PNPLA7: variants seen among roughly 807,000 people sequenced by gnomAD.
PNPLA7 encodes patatin like domain 7, lysophospholipase, also known as patatin-like phospholipase domain-containing protein 7.
In PNPLA7, 153 loss-of-function variants were observed where a neutral mutation model predicts 161.7. That is an observed-to-expected ratio of 0.95 (90% confidence interval 0.83 to 1.08). The LOEUF (loss-of-function observed/expected upper bound fraction) is 1.08. PNPLA7 is among the 50% of genes least tolerant of loss of function. The probability of loss-of-function intolerance (pLI) is 0.00; values close to 1 mark genes in which losing one functional copy is unlikely to be tolerated. For missense variants in PNPLA7, 1,739 were observed against 1,856.6 expected, an observed-to-expected ratio of 0.94 and a Z score of 1.16; for synonymous variants, 809 against 782.1, an observed-to-expected ratio of 1.03 and a Z score of -0.57.
Position 137,495,157 on chromosome 9 carries a change from G to T in PNPLA7, c.2014-11C>A. Reference sequence around the variant, plus strand: ...GGTCAGTGTCTCCACCTGAGGACAGGAGCCGGCTGCTGGGGCCGCGGGCTT... The same window carrying T: ...GGTCAGTGTCTCCACCTGAGGACAGTAGCCGGCTGCTGGGGCCGCGGGCTT... On this transcript the variant is annotated splice_polypyrimidine_tract_variant and intron_variant, in intron 18 of 34. Transcript: ENST00000406427. 6.3e-7 allele frequency: 1 copy of T among 1,583,646 alleles called. No individual in the cohort carries two copies.
At chr9:137,484,092 C>G (rs1362382634) in intron 21 of PNPLA7, among the ~76,000 whole-genome samples, 1 of 152,072 alleles carries the variant, frequency 6.6e-6, no homozygotes, top group Non-Finnish European at 1.5e-5. Context: ...CGCACCACCA[C>G]GCCCAGCTAA....
intron 20 of PNPLA7, among the ~76,000 whole-genome samples, chr9:137,488,814 A>G (rs1832626189): frequency 6.8e-6 from 1 of 146,724 alleles, no homozygotes; most frequent in Non-Finnish European, 1.5e-5. Flanking sequence ...CGCCCACACC[A>G]GCAGACATCC....
At chr9:137,506,158 C>T in intron 12 of PNPLA7, 75 bp from the exon 13 acceptor site, 1 of 1,274,536 alleles carries the variant, frequency 7.8e-7, no homozygotes, top group Non-Finnish European at 1.1e-6. Flanking sequence ...GGGCTGAGCA[C>T]ACCCTGCAGT....
At chr9:137,515,040 G>A (rs972935492) in intron 12 of PNPLA7, among the ~76,000 whole-genome samples, 2 of 152,142 alleles carry the variant, frequency 1.3e-5, no homozygotes, top group Non-Finnish European at 2.9e-5. Flanking sequence ...CTAGAGACCC[G>A]GGACACAAGG....
At chr9:137,505,555 G>C (rs1333482271) in intron 14 of PNPLA7, 59 bp downstream of exon 14, 1 of 1,595,336 alleles carries the variant, frequency 6.3e-7, no homozygotes, top group Non-Finnish European at 8.6e-7. Flanking sequence ...AACAGAGGCA[G>C]AGAGGAGGCC....
At chr9:137,511,765 CT>C (rs1834251546) in intron 12 of PNPLA7, among the ~76,000 whole-genome samples, 1 of 152,224 alleles carries the variant, frequency 6.6e-6, no homozygotes, top group Non-Finnish European at 1.5e-5. Context: ...ACACCTGCTG[CT>C]TCTCTTAAGT....
At chr9:137,482,840 G>A (rs774476353) in intron 21 of PNPLA7, among the ~76,000 whole-genome samples, 6 of 152,244 alleles carry the variant, frequency 3.9e-5, no homozygotes, top group Non-Finnish European at 5.9e-5. Flanking sequence ...CAATTTCTCC[G>A]ATCCTATAAT....
chr9:137,466,023 C>A (rs957787250), intron 26 of PNPLA7, among the ~76,000 whole-genome samples: 1 of 152,142 alleles, frequency 6.6e-6, no homozygotes, highest in Non-Finnish European at 1.5e-5. Flanking sequence ...ACATCTCCCC[C>A]GTGACACTGA....
At chr9:137,526,159 T>C (rs2132517675) in intron 8 of PNPLA7, among the ~76,000 whole-genome samples, 1 of 152,362 alleles carries the variant, frequency 6.6e-6, no homozygotes, top group East Asian at 1.9e-4. Flanking sequence ...GCCCTCGGTC[T>C]CTTGCCTCGG....
chr9:137,497,166 G>A (rs1184495379), intron 18 of PNPLA7, 21 bp downstream of exon 18: 2 of 1,529,428 alleles, frequency 1.3e-6, no homozygotes, highest in South Asian at 2.5e-5. Flanking sequence ...GGGGGAGGCA[G>A]GAGCAGGGCC....
chr9:137,486,284 G>GGAC lies in PNPLA7; in HGVS notation c.2198-1551_2198-1549dup, dbSNP rs1399983579. 2.0e-5 allele frequency among the ~76,000 whole-genome samples: 3 copies of GGAC among 152,112 alleles called. No individual in the cohort carries two copies. Among genetic ancestry groups the GGAC allele is most frequent in the Non-Finnish European group, 2.9e-5 (2 of 68,020 alleles). ...CCACTCCCTGCAGACGGCGGCCAGC[G>GGAC]GACACCTGCAAGATCCTGGGATGCA... On this transcript the variant is annotated intron_variant, in intron 20 of 34. Transcript: ENST00000406427. The surrounding 1 kb of genome is among the most constrained non-coding windows in gnomAD (Gnocchi z 6.0).
Position 137,547,663 on chromosome 9 carries a change from C to T in PNPLA7, c.31-4G>A, listed in dbSNP as rs1306282755. On this transcript the variant is annotated splice_region_variant and splice_polypyrimidine_tract_variant and intron_variant, in intron 1 of 34. Transcript: ENST00000406427. This position sits in a 1 kb window ranked among gnomAD's most constrained non-coding sequence, Gnocchi z 4.6. ...CGGTGCCCAGGCAGAAGTCAGCCTG[C>T]AGCAGAGAGCATGGGGTCAGGTGGG... The T allele has an allele frequency of 5.0e-6, 8 of 1,612,858 alleles. No individual in the cohort carries two copies. In the East Asian group the frequency reaches 1.8e-4, roughly 36 times the overall value.
intron 8 of PNPLA7, among the ~76,000 whole-genome samples, chr9:137,539,477 G>C (rs1836072663): frequency 6.6e-6 from 1 of 152,196 alleles, no homozygotes; most frequent in Non-Finnish European, 1.5e-5. Flanking sequence ...TTCAAGATCA[G>C]CCTGGCCAAC....
At position 137,540,556 on chromosome 9, in the gene PNPLA7, C is replaced by A; in HGVS notation, c.747+86G>T. On this transcript the variant is annotated intron_variant, in intron 8 of 34. Coordinates refer to ENST00000406427, the MANE Select transcript of PNPLA7 (RefSeq NM_001098537.3). This position sits in a 1 kb window ranked among gnomAD's most constrained non-coding sequence, Gnocchi z 5.1. ...ACTGTGGAGAACTGGCCTTTAACCA[C>A]TACCAGCTGTCCAGACAAGACAGAA... 8.0e-7 allele frequency: 1 copy of A among 1,245,692 alleles called. No individual in the cohort carries two copies. 77.2% of individuals were successfully genotyped at this position (1,245,692 alleles called of 1,614,324 possible). A position where few individuals can be genotyped will look rare whatever the true frequency, so the allele number is the denominator to read the frequency against.
At chr9:137,498,348 A>C in intron 16 of PNPLA7, 103 bp from the exon 17 acceptor site, 2 of 1,501,776 alleles carry the variant, frequency 1.3e-6, no homozygotes, top group Non-Finnish European at 1.8e-6. Context: ...CCCCCACCCC[A>C]CCCGGAAAGT....
intron 21 of PNPLA7, among the ~76,000 whole-genome samples, chr9:137,484,214 G>A (rs1024645790): frequency 6.6e-6 from 1 of 152,148 alleles, no homozygotes; most frequent in African/African-American, 2.4e-5. Flanking sequence ...CACCGCGCCC[G>A]ACCGCATTCA....
Position 137,520,106 on chromosome 9 carries a change from G to T in PNPLA7, c.958-63C>A. 8 of 1,597,198 alleles carry T rather than the reference G, an allele frequency of 5.0e-6. No homozygotes were observed. Among genetic ancestry groups the T allele is most frequent in the Non-Finnish European group, 6.8e-6 (8 of 1,174,312 alleles). ...ACACCCCACACCCACTGACAGGTGT[G>T]GGCTCCTCAAAGGTGTGACAGGTGT... On this transcript the variant is annotated intron_variant, in intron 10 of 34. Transcript: ENST00000406427. The surrounding 1 kb of genome is among the most constrained non-coding windows in gnomAD (Gnocchi z 5.2).
At chr9:137,503,909 A>AAGAAGAAGG in intron 14 of PNPLA7, among the ~76,000 whole-genome samples, 1 of 8,324 alleles carries the variant, frequency 1.2e-4, no homozygotes, top group Non-Finnish European at 2.4e-4. Flanking sequence ...AAGGAAGAAG[A>AAGAAGAAGG]AAGAAGAAGG....
chr9:137,481,140 C>A (rs1217754602), intron 21 of PNPLA7, 117 bp from the exon 22 acceptor site: 1 of 1,079,924 alleles, frequency 9.3e-7, no homozygotes, highest in Non-Finnish European at 1.4e-6. Context: ...CCCAGCCAGG[C>A]ACCAAGGAGG....
Sources: allele counts gnomAD v4.1 joint callset (sites outside exome capture counted in the v4.1 genomes callset), GRCh38; gene constraint gnomAD v4.1.1; non-coding constraint Gnocchi (gnomAD v3.1); transcripts MANE v1.5; gene names NCBI Gene and HGNC (gene_info 2026-07-23, HGNC 2026-07-21).